Variants in ABI2 observed in about 807,000 individuals in gnomAD.
ABI2 encodes abl interactor 2, also known as abelson interactor 2.
ABI2 carries 25 observed loss-of-function variants against 59.2 expected under a neutral mutation model. That is an observed-to-expected ratio of 0.42 (90% confidence interval 0.31 to 0.59). The LOEUF (loss-of-function observed/expected upper bound fraction) is 0.59. Ranked by LOEUF, ABI2 falls within the 20% of genes least tolerant of loss-of-function variation. The probability of loss-of-function intolerance (pLI) is 0.14; values close to 1 mark genes in which losing one functional copy is unlikely to be tolerated. For missense variants in ABI2, 545 were observed against 681.8 expected, an observed-to-expected ratio of 0.80 and a Z score of 2.23; for synonymous variants, 213 against 235.5, an observed-to-expected ratio of 0.90 and a Z score of 0.87.
intron 2 of ABI2, chr2:203,374,822 G>A (rs752455709): frequency 2.2e-6 from 1 of 456,170 alleles, no homozygotes; most frequent in Non-Finnish European, 4.4e-6. Context: ...GATTGCAGAT[G>A]TTTTCCCACA....
chr2:203,408,833 C>CTTTTTTTTCT (rs2097538601), intron 9 of ABI2, among the ~76,000 whole-genome samples: 1 of 87,204 alleles, frequency 1.1e-5, no homozygotes, highest in Non-Finnish European at 2.4e-5. Flanking sequence ...CTTCTCCTTT[C>CTTTTTTTTCT]TTTTTTTTTT....
Position 203,382,618 on chromosome 2 carries a change from TA to T in ABI2, c.480+414del, listed in dbSNP as rs1055099084. The stretch of plus-strand genomic sequence containing the variant: ...GGAGGGCCAATTAATGTACTTTATT[TA>T]ACCCTCCCCCTGTGTAATAGCCTTT... On this transcript the variant is annotated intron_variant, in intron 4 of 11. Coordinates refer to ENST00000261018, the MANE Select transcript of ABI2 (RefSeq NM_001375670.1). 4.6e-5 allele frequency among the ~76,000 whole-genome samples: 7 copies of T among 152,200 alleles called. 1 individual carries two copies. Among genetic ancestry groups the T allele is most frequent in the Admixed American group, 3.9e-4 (6 of 15,270 alleles).
Position 203,432,094 on chromosome 2 carries a change from T to G in ABI2, c.*4742T>G, listed in dbSNP as rs1392432305. On this transcript the variant is annotated 3_prime_UTR_variant, in exon 12 of 12. Transcript: ENST00000261018. The stretch of plus-strand genomic sequence containing the variant: ...TCCAGATGAGTGGAGGAACATCACT[T>G]TTTAATTTTTTAATTGTATTTGGAA... 6.6e-6 allele frequency: 1 copy of G among 152,210 alleles called. No individual in the cohort carries two copies. The highest frequency in any genetic ancestry group is 1.5e-5 in the Non-Finnish European group (1 of 68,042). 9.4% of individuals were successfully genotyped at this position (152,210 alleles called of 1,614,324 possible).
chr2:203,375,716 T>C (rs2095635679), intron 2 of ABI2, among the ~76,000 whole-genome samples: 1 of 152,182 alleles, frequency 6.6e-6, no homozygotes, highest in Non-Finnish European at 1.5e-5. Context: ...GGAGGGAGTG[T>C]TTATTATTCT....
In ABI2 at chr2:203,394,845, A is replaced by G; in HGVS notation, c.724A>G (p.Ser242Gly). The G allele has an allele frequency of 6.2e-7, 1 of 1,614,028 alleles. No individual in the cohort carries two copies. Among genetic ancestry groups the G allele is most frequent in the Non-Finnish European group, 8.5e-7 (1 of 1,179,950 alleles). ...ASVNQRNRTY[S>G]SSGSSGGSHP... ...TGTGAATCAAAGAAATCGAACTTAC[A>G]GGTATTTTCTCTACCTCAGTGCAAA... The change falls in exon 6 of 12, where the codon AGC becomes GGC. Residue 242 changes from serine to glycine, a missense_variant and splice_region_variant. Physicochemically the swap from Ser to Gly is moderately conservative, Grantham distance 56. Transcript: ENST00000261018.
intron 1 of ABI2, among the ~76,000 whole-genome samples, chr2:203,346,610 C>T (rs1473676743): frequency 6.6e-6 from 1 of 152,220 alleles, no homozygotes; most frequent in Non-Finnish European, 1.5e-5. Context: ...TCTTTCTCCC[C>T]CACCACATTT....
intron 2 of ABI2, among the ~76,000 whole-genome samples, chr2:203,372,702 C>T (rs1280294738): frequency 3.3e-5 from 5 of 151,814 alleles, no homozygotes; most frequent in Admixed American, 3.3e-4. Flanking sequence ...AGGGGCTCCT[C>T]ACTTCTCAGA....
At chr2:203,348,701 T>C (rs2085372139) in intron 1 of ABI2, among the ~76,000 whole-genome samples, 1 of 152,168 alleles carries the variant, frequency 6.6e-6, no homozygotes, top group South Asian at 2.1e-4. Context: ...CACTGTGAAA[T>C]TGAGAAGAAG....
At chr2:203,419,487 A>G (rs541183211) in intron 11 of ABI2, among the ~76,000 whole-genome samples, 49 of 149,482 alleles carry the variant, frequency 3.3e-4, no homozygotes, top group Non-Finnish European at 4.6e-4. Flanking sequence ...TCCTGCCTCA[A>G]CCTGCTGAGT....
At chr2:203,401,721 G>A (rs1411608188) in intron 8 of ABI2, among the ~76,000 whole-genome samples, 2 of 151,952 alleles carry the variant, frequency 1.3e-5, no homozygotes, top group African/African-American at 4.8e-5. Context: ...TGTAGCTTTC[G>A]TGGTAGATTT....
rs568053199 is a variant in ABI2, at chr2:203,372,882, C to T, written c.285+5838C>T. Among the ~76,000 whole-genome samples, 341 of 152,014 alleles carry T rather than the reference C, an allele frequency of 2.2e-3. 1 individual carries two copies. The highest frequency in any genetic ancestry group is 4.6e-3 in the Non-Finnish European group (312 of 67,950). On this transcript the variant is annotated intron_variant, in intron 2 of 11. Coordinates refer to ENST00000261018, the MANE Select transcript of ABI2 (RefSeq NM_001375670.1). Reference sequence around the variant, plus strand: ...CCCAGACGGGGCGGCGGGGCAGAGGCGCTCCCCACATCTCAGGCGATGGGC... The same window carrying T: ...CCCAGACGGGGCGGCGGGGCAGAGGTGCTCCCCACATCTCAGGCGATGGGC...
chr2:203,353,698 A>C lies in ABI2; in HGVS notation c.118-13179A>C, dbSNP rs539333812. Among the ~76,000 whole-genome samples, 12 of 152,208 alleles carry C rather than the reference A, an allele frequency of 7.9e-5. No individual in the cohort carries two copies. The South Asian group carries it at 2.5e-3, about 32-fold the overall frequency. On this transcript the variant is annotated intron_variant, in intron 1 of 11. Coordinates refer to ENST00000261018, the MANE Select transcript of ABI2 (RefSeq NM_001375670.1). ...TTTTTAGTAGAGATGGGGTTTTACC[A>C]TGTTGGCCAGGCTGGTCTCGAACTT...
intron 4 of ABI2, among the ~76,000 whole-genome samples, chr2:203,390,049 G>T (rs893148916): frequency 6.6e-6 from 1 of 152,166 alleles, no homozygotes; most frequent in Admixed American, 6.6e-5. Context: ...GACATTGCCT[G>T]TGGCCCTTGT....
chr2:203,353,958 T>C (rs1409589985), intron 1 of ABI2, among the ~76,000 whole-genome samples: 1 of 152,270 alleles, frequency 6.6e-6, no homozygotes, highest in East Asian at 1.9e-4. Flanking sequence ...CATGTAGATT[T>C]AGCAACTTTT....
At chr2:203,400,806 T>G (rs956916210) in intron 8 of ABI2, among the ~76,000 whole-genome samples, 1 of 152,190 alleles carries the variant, frequency 6.6e-6, no homozygotes, top group Admixed American at 6.5e-5. Context: ...TGTCAAAGTG[T>G]TGTTTTCCTC....
rs920037955 is a variant in ABI2 at position 203,430,730 on chromosome 2, A to T, written c.*3378A>T. The T allele has an allele frequency of 6.6e-6, 1 of 152,174 alleles. No individual in the cohort carries two copies. The highest frequency in any genetic ancestry group is 1.5e-5 in the Non-Finnish European group (1 of 68,048). The allele number at this position is 152,174 out of a possible 1,614,324, so 9.4% of individuals were successfully genotyped here. A position where few individuals can be genotyped will look rare whatever the true frequency, so the allele number is the denominator to read the frequency against. On this transcript the variant is annotated 3_prime_UTR_variant, in exon 12 of 12. Coordinates refer to ENST00000261018, the MANE Select transcript of ABI2 (RefSeq NM_001375670.1). ...GTTCCTAAAAGTTACTGGGTGTGAG[A>T]CATTTTCATCCCCTCCTTTTTCCTA...
intron 10 of ABI2, 96 bp from the exon 11 acceptor site, chr2:203,416,812 A>C: frequency 7.9e-7 from 1 of 1,261,900 alleles, no homozygotes. Flanking sequence ...TTTATTTTCA[A>C]GTCTAGGTTT....
At chr2:203,363,390 T>C (rs1401958397) in intron 1 of ABI2, among the ~76,000 whole-genome samples, 1 of 152,174 alleles carries the variant, frequency 6.6e-6, no homozygotes, top group Non-Finnish European at 1.5e-5. Context: ...ATACTAGGTC[T>C]TACTCATTCT....
intron 2 of ABI2, among the ~76,000 whole-genome samples, chr2:203,373,191 C>G (rs372561290): frequency 2.7e-4 from 40 of 150,344 alleles, no homozygotes; most frequent in South Asian, 6.5e-4. Flanking sequence ...CTGAGTGAAC[C>G]AGACTCTGTC....
Sources: gnomAD v4.1 joint callset for allele counts (sites outside exome capture counted in the v4.1 genomes callset) on GRCh38, gnomAD v4.1.1 for gene constraint, MANE v1.5 for transcripts, NCBI Gene and HGNC (gene_info 2026-07-23, HGNC 2026-07-21) for gene names.